Variants in L3MBTL4 observed in about 807,000 individuals in gnomAD.
L3MBTL4 encodes lethal(3)malignant brain tumor-like protein 4.
In L3MBTL4, 70 loss-of-function variants were observed where a neutral mutation model predicts 84.5. That is an observed-to-expected ratio of 0.83 (90% CI 0.68 to 1.01). The LOEUF is 1.01. L3MBTL4 is among the 50% of genes least tolerant of loss of function. The pLI, the probability that L3MBTL4 is intolerant of heterozygous loss-of-function variation, is 0.00. For synonymous variants in L3MBTL4, 274 were observed against 259.8 expected (o/e 1.05, Z -0.52); for missense variants, 715 against 754.8 (o/e 0.95, Z 0.62).
chr18:5,975,412 GAC>G (rs1171452129), intron 16 of L3MBTL4, among the ~76,000 whole-genome samples: 1 of 152,158 alleles, frequency 6.6e-6, no homozygotes, highest in Non-Finnish European at 1.5e-5. Flanking sequence ...TGTAATCTGT[GAC>G]AGTCACCGAC....
At chr18:6,170,369 G>A (rs1274105907) in intron 13 of L3MBTL4, among the ~76,000 whole-genome samples, 1 of 152,138 alleles carries the variant, frequency 6.6e-6, no homozygotes, top group African/African-American at 2.4e-5. Context: ...CAAAGCATTG[G>A]GGGTCAAAGA....
At chr18:6,148,204 T>C (rs898185493) in intron 13 of L3MBTL4, among the ~76,000 whole-genome samples, 2 of 152,200 alleles carry the variant, frequency 1.3e-5, no homozygotes, top group Admixed American at 6.5e-5. Context: ...TATCTCCCCA[T>C]TCAAAAATGT....
intron 5 of L3MBTL4, among the ~76,000 whole-genome samples, chr18:6,262,003 C>T (rs1016329687): frequency 2.6e-5 from 4 of 152,180 alleles, no homozygotes; most frequent in African/African-American, 9.7e-5. Context: ...GACCCTTGCC[C>T]TGGGACCCTG....
At chr18:6,180,425 G>C (rs1389687626) in intron 12 of L3MBTL4, among the ~76,000 whole-genome samples, 1 of 152,018 alleles carries the variant, frequency 6.6e-6, no homozygotes, top group African/African-American at 2.4e-5. Flanking sequence ...GCTGCCCCTA[G>C]GTTTGTTCCT....
intron 4 of L3MBTL4, among the ~76,000 whole-genome samples, chr18:6,284,462 G>A (rs576238799): frequency 1.3e-5 from 2 of 152,290 alleles, no homozygotes; most frequent in Middle Eastern, 3.4e-3. Flanking sequence ...CAAAAGGGCC[G>A]GGAGGAGGAA....
chr18:6,101,748 T>G (rs2058837951), intron 14 of L3MBTL4, among the ~76,000 whole-genome samples: 1 of 152,200 alleles, frequency 6.6e-6, no homozygotes, highest in African/African-American at 2.4e-5. Context: ...GCGATTTCTC[T>G]CCAACTCTAA....
intron 1 of L3MBTL4, among the ~76,000 whole-genome samples, chr18:6,390,538 T>C (rs540673806): frequency 2.1e-4 from 32 of 152,226 alleles, no homozygotes; most frequent in African/African-American, 7.0e-4. Context: ...AACAAAAACC[T>C]GGTTCTTTGA....
intron 14 of L3MBTL4, among the ~76,000 whole-genome samples, chr18:6,094,436 C>T (rs192193374): frequency 6.6e-6 from 1 of 152,134 alleles, no homozygotes; most frequent in Non-Finnish European, 1.5e-5. Context: ...TTAGTGTGAC[C>T]CTAAGAATTC....
intron 12 of L3MBTL4, among the ~76,000 whole-genome samples, chr18:6,205,702 G>C (rs912076113): frequency 9.8e-5 from 15 of 152,286 alleles, no homozygotes; most frequent in African/African-American, 3.6e-4. Context: ...AAGAAGGAAT[G>C]GGGGAGAATG....
At chr18:6,150,138 T>G (rs2042828994) in intron 13 of L3MBTL4, among the ~76,000 whole-genome samples, 1 of 152,152 alleles carries the variant, frequency 6.6e-6, no homozygotes, top group Non-Finnish European at 1.5e-5. Context: ...CACATACAAT[T>G]TTCGGACTAA....
At chr18:5,977,725 T>A (rs1338147113) in intron 16 of L3MBTL4, among the ~76,000 whole-genome samples, 1 of 152,150 alleles carries the variant, frequency 6.6e-6, no homozygotes, top group East Asian at 1.9e-4. Context: ...CCCAGAAGTC[T>A]ATCTTTAGGG....
intron 12 of L3MBTL4, among the ~76,000 whole-genome samples, chr18:6,174,372 GA>G (rs772985434): frequency 5.3e-5 from 8 of 152,128 alleles, no homozygotes; most frequent in African/African-American, 9.7e-5. Flanking sequence ...TGGTCTAAAT[GA>G]GTGAACAGAG....
At chr18:6,040,556 A>C (rs2056355100) in intron 16 of L3MBTL4, among the ~76,000 whole-genome samples, 1 of 152,228 alleles carries the variant, frequency 6.6e-6, no homozygotes, top group African/African-American at 2.4e-5. Context: ...GTATATACAA[A>C]GATAAATATA....
chr18:5,958,106 G>GAAGAAA (rs2095240804), intron 18 of L3MBTL4, among the ~76,000 whole-genome samples: 1 of 91,462 alleles, frequency 1.1e-5, no homozygotes, highest in Non-Finnish European at 2.0e-5. Flanking sequence ...AGAAGAAGAA[G>GAAGAAA]AAGAAGAAGA....
At chr18:6,113,499 A>G (rs2059262645) in intron 14 of L3MBTL4, among the ~76,000 whole-genome samples, 2 of 151,824 alleles carry the variant, frequency 1.3e-5, no homozygotes, top group South Asian at 4.1e-4. Flanking sequence ...TAAAAAACAA[A>G]AAGTAGCAAC....
At chr18:6,187,866 C>CA (rs36013917) in intron 12 of L3MBTL4, among the ~76,000 whole-genome samples, 3,010 of 96,850 alleles carry the variant, frequency 0.031, 90 homozygotes, top group African/African-American at 0.083. Context: ...CTCTTGGTAC[C>CA]AAAAAAAAAA....
At chr18:6,392,934 G>A (rs544907373) in intron 1 of L3MBTL4, among the ~76,000 whole-genome samples, 1 of 152,052 alleles carries the variant, frequency 6.6e-6, no homozygotes, top group Admixed American at 6.6e-5. Context: ...GGGGAGAGTA[G>A]GAAGGAAATG....
intron 10 of L3MBTL4, among the ~76,000 whole-genome samples, chr18:6,219,384 T>C (rs1008227282): frequency 5.3e-5 from 8 of 151,418 alleles, no homozygotes; most frequent in African/African-American, 1.9e-4. Flanking sequence ...GACTGGGCTA[T>C]ATTGTTTAAA....
intron 12 of L3MBTL4, among the ~76,000 whole-genome samples, chr18:6,197,412 C>T (rs1249784624): frequency 6.6e-6 from 1 of 152,188 alleles, no homozygotes; most frequent in Non-Finnish European, 1.5e-5. Context: ...TGGCTTCCAG[C>T]TCCATCCATG....
Sources: allele counts gnomAD v4.1 joint callset (sites outside exome capture counted in the v4.1 genomes callset), GRCh38; gene constraint gnomAD v4.1.1; transcripts MANE v1.5; gene names NCBI Gene and HGNC (gene_info 2026-07-23, HGNC 2026-07-21).